CCDC149: variants seen among roughly 807,000 people sequenced by gnomAD.
CCDC149 encodes coiled-coil domain-containing protein 149.
A neutral mutation model predicts 59.9 loss-of-function variants in CCDC149; 45 were observed. The ratio of observed to expected loss-of-function variants is 0.75; its 90% CI spans 0.59 to 0.96. The LOEUF is 0.96. Ranked by LOEUF, CCDC149 falls within the 40% of genes least tolerant of loss-of-function variation. CCDC149 has a pLI of 0.00. For synonymous variants in CCDC149, 245 were observed against 260.6 expected, an observed-to-expected ratio of 0.94 and a Z score of 0.58; for missense variants, 584 against 664.7, an observed-to-expected ratio of 0.88 and a Z score of 1.33.
At chr4:24,828,237 A>C (rs1208806027) in intron 9 of CCDC149, 1 of 150,876 alleles carries the variant, frequency 6.6e-6, no homozygotes, top group Non-Finnish European at 1.5e-5. Flanking sequence ...ATAATGAAAA[A>C]AGAAACCTTT....
chr4:24,941,470 C>T (rs955388676), intron 1 of CCDC149, among the ~76,000 whole-genome samples: 5 of 152,134 alleles, frequency 3.3e-5, no homozygotes, highest in African/African-American at 9.7e-5. Context: ...GACACCCTAA[C>T]ATCACAATTA....
intron 1 of CCDC149, among the ~76,000 whole-genome samples, chr4:24,941,104 C>A (rs975432884): frequency 6.6e-6 from 1 of 152,190 alleles, no homozygotes; most frequent in Non-Finnish European, 1.5e-5. Flanking sequence ...TTCTTTTCAG[C>A]ACCACACCAC....
chr4:24,869,426 G>C (rs1041031854), intron 3 of CCDC149, among the ~76,000 whole-genome samples: 1 of 152,168 alleles, frequency 6.6e-6, no homozygotes, highest in African/African-American at 2.4e-5. Context: ...TCTCCCACGA[G>C]GGCTGCTCAA....
At chr4:24,934,611 T>A (rs1332371035) in intron 1 of CCDC149, among the ~76,000 whole-genome samples, 1 of 152,192 alleles carries the variant, frequency 6.6e-6, no homozygotes. Context: ...ATTAGTTATC[T>A]ATTACAAAGA....
downstream of CCDC149, among the ~76,000 whole-genome samples, chr4:24,804,666 T>C (rs1714066472): frequency 6.6e-6 from 1 of 152,124 alleles, no homozygotes; most frequent in South Asian, 2.1e-4. Context: ...CTGGTCTTTG[T>C]CATTCCTTAA....
At chr4:24,803,778 T>C (rs1713992204), downstream of CCDC149, among the ~76,000 whole-genome samples, 2 of 152,346 alleles carry the variant, frequency 1.3e-5, no homozygotes, top group Non-Finnish European at 2.9e-5. The surrounding 1 kb of genome is among the most constrained non-coding windows in gnomAD (Gnocchi z 4.3). Context: ...TTCAATATTA[T>C]GCAAACTTTC....
chr4:24,852,987 C>T (rs1413307038), intron 4 of CCDC149, 85 bp downstream of exon 4: 12 of 834,568 alleles, frequency 1.4e-5, no homozygotes, highest in Non-Finnish European at 2.4e-5. Flanking sequence ...ACAAATGCTG[C>T]ATTACATTTT....
downstream of CCDC149, among the ~76,000 whole-genome samples, chr4:24,805,766 AAC>A (rs914825310): frequency 8.6e-5 from 13 of 152,032 alleles, no homozygotes; most frequent in South Asian, 2.1e-4. Context: ...TCGCTCTTGA[AAC>A]ACACACACAC....
At chr4:24,849,368 C>T (rs1396177096) in intron 4 of CCDC149, among the ~76,000 whole-genome samples, 1 of 152,170 alleles carries the variant, frequency 6.6e-6, no homozygotes, top group Non-Finnish European at 1.5e-5. Flanking sequence ...GGGATGGTAT[C>T]CAGTAGGTTT....
chr4:24,902,012 A>G (rs542717087), intron 1 of CCDC149, among the ~76,000 whole-genome samples: 1 of 152,342 alleles, frequency 6.6e-6, no homozygotes, highest in Non-Finnish European at 1.5e-5. Flanking sequence ...TGGGCAAAGT[A>G]CAGGGCTAAG....
intron 1 of CCDC149, among the ~76,000 whole-genome samples, chr4:24,979,630 C>T (rs1724377970): frequency 6.6e-6 from 1 of 152,184 alleles, no homozygotes; most frequent in African/African-American, 2.4e-5. Flanking sequence ...TGAGCAGATT[C>T]CCTGTGGTTT....
chr4:24,980,043 T>C (rs2109378341), intron 1 of CCDC149: 1 of 152,370 alleles, frequency 6.6e-6, no homozygotes, highest in African/African-American at 2.4e-5. Context: ...ACGAGGCAGT[T>C]AAACAGGAAA....
intron 1 of CCDC149, among the ~76,000 whole-genome samples, chr4:24,940,793 CAAAG>C (rs1003363473): frequency 2.5e-4 from 38 of 152,104 alleles, no homozygotes; most frequent in African/African-American, 5.3e-4. Flanking sequence ...TCAAAAGAGA[CAAAG>C]AAGGCCATGA....
chr4:24,862,338 G>T (rs1718435409), intron 3 of CCDC149, among the ~76,000 whole-genome samples: 1 of 152,210 alleles, frequency 6.6e-6, no homozygotes, highest in Non-Finnish European at 1.5e-5. Flanking sequence ...TAGAACTTCT[G>T]TCTGTGGTAA....
chr4:24,868,296 T>C (rs1289775328), intron 3 of CCDC149, among the ~76,000 whole-genome samples: 1 of 152,196 alleles, frequency 6.6e-6, no homozygotes, highest in East Asian at 1.9e-4. Flanking sequence ...TTCCTCCCCA[T>C]GCTGAACTAT....
At chr4:24,813,527 T>TATATATATATATAA (rs1405803152) in intron 12 of CCDC149, among the ~76,000 whole-genome samples, 19 of 91,266 alleles carry the variant, frequency 2.1e-4, no homozygotes, top group African/African-American at 3.1e-4. Flanking sequence ...TATATATATA[T>TATATATATATATAA]AAAACCTAAA....
At chr4:24,873,745 T>C (rs371417201) in intron 2 of CCDC149, 26 bp from the exon 3 acceptor site, 2 of 1,587,360 alleles carry the variant, frequency 1.3e-6, no homozygotes, top group Non-Finnish European at 1.7e-6. Context: ...TGCTGCATTT[T>C]ACTCTTTTAG....
intron 3 of CCDC149, among the ~76,000 whole-genome samples, chr4:24,869,279 T>G (rs1718883666): frequency 6.6e-6 from 1 of 152,118 alleles, no homozygotes; most frequent in African/African-American, 2.4e-5. Context: ...GTGTAGGGGC[T>G]CCATCCCAGC....
At chr4:24,876,292 T>TACACACACAC (rs61406129) in intron 2 of CCDC149, among the ~76,000 whole-genome samples, 1 of 124,732 alleles carries the variant, frequency 8.0e-6, no homozygotes, top group African/African-American at 3.1e-5. Context: ...CATACACACG[T>TACACACACAC]ACACACACAC....
Sources: allele counts gnomAD v4.1 joint callset (sites outside exome capture counted in the v4.1 genomes callset), GRCh38; gene constraint gnomAD v4.1.1; non-coding constraint Gnocchi (gnomAD v3.1); transcripts MANE v1.5; gene names NCBI Gene and HGNC (gene_info 2026-07-23, HGNC 2026-07-21).